The following HS6ST3 variants were observed in gnomAD, a reference collection of about 807,000 sequenced individuals.
HS6ST3 encodes heparan-sulfate 6-O-sulfotransferase 3.
A neutral mutation model predicts 36.7 loss-of-function variants in HS6ST3; 12 were observed. The observed-to-expected ratio is 0.33, with a 90% CI of 0.21 to 0.53. HS6ST3 has a LOEUF of 0.53. HS6ST3 is among the 20% of genes least tolerant of loss of function. The pLI, the probability that HS6ST3 is intolerant of heterozygous loss-of-function variation, is 0.95. For missense variants in HS6ST3, 584 were observed against 640.9 expected, an observed-to-expected ratio of 0.91 and a Z score of 0.96; for synonymous variants, 240 against 257.5, an observed-to-expected ratio of 0.93 and a Z score of 0.65.
chr13:96,657,611 T>C (rs2056629961), intron 1 of HS6ST3, among the ~76,000 whole-genome samples: 1 of 152,198 alleles, frequency 6.6e-6, no homozygotes, highest in Non-Finnish European at 1.5e-5. Context: ...AATGCTTTGC[T>C]GTGAGTGATC....
At chr13:96,287,878 G>C (rs546652169) in intron 1 of HS6ST3, among the ~76,000 whole-genome samples, 1 of 152,208 alleles carries the variant, frequency 6.6e-6, no homozygotes, top group African/African-American at 2.4e-5. Context: ...GCATATCCTA[G>C]ATTATTTAAT....
chr13:96,501,397 A>G (rs2056003918), intron 1 of HS6ST3, among the ~76,000 whole-genome samples: 1 of 152,218 alleles, frequency 6.6e-6, no homozygotes, highest in South Asian at 2.1e-4. Flanking sequence ...GCTTAAGAGA[A>G]TGAATCCTGG....
chr13:96,388,021 G>A (rs1465094907), intron 1 of HS6ST3, among the ~76,000 whole-genome samples: 1 of 152,090 alleles, frequency 6.6e-6, no homozygotes, highest in Non-Finnish European at 1.5e-5. Flanking sequence ...CAACTTTGAT[G>A]GCCTTTAAAC....
At chr13:96,825,125 G>A (rs1241672026) in intron 1 of HS6ST3, among the ~76,000 whole-genome samples, 1 of 152,168 alleles carries the variant, frequency 6.6e-6, no homozygotes. Flanking sequence ...GTGGAGTGTG[G>A]AGCTATTAAT....
intron 1 of HS6ST3, among the ~76,000 whole-genome samples, chr13:96,702,271 A>G (rs1342954803): frequency 6.6e-6 from 1 of 152,196 alleles, no homozygotes; most frequent in Non-Finnish European, 1.5e-5. Flanking sequence ...CAGCCCTCCC[A>G]GTAAGACAAT....
Position 96,371,607 on chromosome 13 carries a change from A to G in HS6ST3, c.707+280038A>G, listed in dbSNP as rs1180402960. 2.6e-5 allele frequency among the ~76,000 whole-genome samples: 4 copies of G among 152,240 alleles called. No individual in the cohort carries two copies. In the South Asian group the frequency reaches 6.2e-4, roughly 24 times the overall value. On this transcript the variant is annotated intron_variant, in intron 1 of 1. Coordinates refer to ENST00000376705, the MANE Select transcript of HS6ST3 (RefSeq NM_153456.4). ...GCTGCAAGTAAGTATTTTTTTAACT[A>G]ACATGTCCCCATTTCCCCCACTCCC...
At chr13:96,665,508 G>GA (rs1310310617) in intron 1 of HS6ST3, among the ~76,000 whole-genome samples, 1 of 152,144 alleles carries the variant, frequency 6.6e-6, no homozygotes, top group African/African-American at 2.4e-5. Context: ...ACAGCTCACT[G>GA]AAAAAATTAT....
At chr13:96,673,123 A>G (rs1167428067) in intron 1 of HS6ST3, among the ~76,000 whole-genome samples, 6 of 152,230 alleles carry the variant, frequency 3.9e-5, no homozygotes, top group African/African-American at 1.4e-4. Flanking sequence ...GCCATATCAC[A>G]TCAGTCTTCA....
intron 1 of HS6ST3, among the ~76,000 whole-genome samples, chr13:96,518,563 T>C (rs1006197094): frequency 1.3e-5 from 2 of 152,156 alleles, no homozygotes; most frequent in African/African-American, 2.4e-5. Context: ...TATTATTTGT[T>C]TGGTATGAGT....
At chr13:96,776,951 T>C (rs1332314514) in intron 1 of HS6ST3, among the ~76,000 whole-genome samples, 1 of 152,222 alleles carries the variant, frequency 6.6e-6, no homozygotes, top group South Asian at 2.1e-4. Context: ...AGTAAAATAC[T>C]GGCAAACCAA....
At chr13:96,283,835 G>A (rs1566311211) in intron 1 of HS6ST3, among the ~76,000 whole-genome samples, 1 of 152,110 alleles carries the variant, frequency 6.6e-6, no homozygotes, top group South Asian at 2.1e-4. Context: ...CGTCCATAGC[G>A]GGACCTGAGG....
At chr13:96,513,690 C>T (rs1042846033) in intron 1 of HS6ST3, among the ~76,000 whole-genome samples, 3 of 151,968 alleles carry the variant, frequency 2.0e-5, no homozygotes, top group Non-Finnish European at 4.4e-5. Context: ...TCATGTGTTG[C>T]TTAAAAATGG....
intron 1 of HS6ST3, among the ~76,000 whole-genome samples, chr13:96,780,316 T>C (rs1047942823): frequency 2.6e-5 from 4 of 152,192 alleles, no homozygotes; most frequent in East Asian, 3.9e-4. Context: ...CGTGTATTAA[T>C]AGGAACCAGC....
chr13:96,114,844 G>C (rs1208242146), intron 1 of HS6ST3, among the ~76,000 whole-genome samples: 1 of 152,222 alleles, frequency 6.6e-6, no homozygotes, highest in Non-Finnish European at 1.5e-5. Flanking sequence ...AAGTCTTTGT[G>C]TTGGGAGCGA....
At chr13:96,186,034 C>CTA (rs1182816144) in intron 1 of HS6ST3, among the ~76,000 whole-genome samples, 1 of 152,146 alleles carries the variant, frequency 6.6e-6, no homozygotes. Flanking sequence ...TGGATATAAA[C>CTA]TATATATATG....
Position 96,399,462 on chromosome 13 carries a change from T to C in HS6ST3, c.707+307893T>C, listed in dbSNP as rs556899664. Among the ~76,000 whole-genome samples, 4 of 152,384 alleles carry C rather than the reference T, an allele frequency of 2.6e-5. No individual in the cohort carries two copies. In the South Asian group the frequency reaches 8.3e-4, roughly 32 times the overall value. ...TCACACCTCTTTATACAACATTGCA[T>C]AGCCTCTATGCATTTTGGAATCTTT... On this transcript the variant is annotated intron_variant, in intron 1 of 1. Transcript: ENST00000376705.
intron 1 of HS6ST3, among the ~76,000 whole-genome samples, chr13:96,657,573 T>C (rs909727175): frequency 1.3e-5 from 2 of 152,190 alleles, no homozygotes; most frequent in Non-Finnish European, 2.9e-5. Context: ...TGTCAATTAT[T>C]GTTTCAAATG....
chr13:96,678,313 C>A (rs2056706328), intron 1 of HS6ST3, among the ~76,000 whole-genome samples: 1 of 152,078 alleles, frequency 6.6e-6, no homozygotes, highest in African/African-American at 2.4e-5. Context: ...GATTAAGTTT[C>A]CAGTGTATGC....
At chr13:96,813,113 A>G (rs1201406981) in intron 1 of HS6ST3, among the ~76,000 whole-genome samples, 1 of 152,220 alleles carries the variant, frequency 6.6e-6, no homozygotes, top group African/African-American at 2.4e-5. Context: ...ACAGTTGGGT[A>G]TCAAGATCAA....
Sources: gnomAD v4.1 joint callset for allele counts (sites outside exome capture counted in the v4.1 genomes callset) on GRCh38, gnomAD v4.1.1 for gene constraint, MANE v1.5 for transcripts, NCBI Gene and HGNC (gene_info 2026-07-23, HGNC 2026-07-21) for gene names.